OPCML: variants seen among roughly 807,000 people sequenced by gnomAD.
OPCML encodes opioid-binding protein/cell adhesion molecule.
In OPCML, 13 loss-of-function variants were observed where a neutral mutation model predicts 37.8. The ratio of observed to expected loss-of-function variants is 0.34; its 90% confidence interval spans 0.22 to 0.55. The LOEUF (loss-of-function observed/expected upper bound fraction) is 0.55. Ranked by LOEUF, OPCML falls within the 20% of genes least tolerant of loss-of-function variation. The pLI is 0.91. For synonymous variants in OPCML, 176 were observed against 168.8 expected (o/e 1.04, Z -0.33); for missense variants, 341 against 435.6 (o/e 0.78, Z 1.93).
chr11:132,592,413 G>A (rs986422012), intron 3 of OPCML, among the ~76,000 whole-genome samples: 6 of 152,200 alleles, frequency 3.9e-5, no homozygotes, highest in African/African-American at 1.4e-4. Context: ...AAAAAATGGA[G>A]AAAATGGGGA....
intron 1 of OPCML, among the ~76,000 whole-genome samples, chr11:133,255,768 A>G (rs909228258): frequency 6.6e-6 from 1 of 152,170 alleles, no homozygotes; most frequent in African/African-American, 2.4e-5. Context: ...ACTTTACTAG[A>G]TAAGCAGGCA....
chr11:132,945,716 C>T (rs765873315), intron 1 of OPCML, among the ~76,000 whole-genome samples: 1 of 151,030 alleles, frequency 6.6e-6, no homozygotes, highest in Non-Finnish European at 1.5e-5. Context: ...GCTTAAAACA[C>T]AAACACGTTG....
intron 1 of OPCML, among the ~76,000 whole-genome samples, chr11:133,445,908 G>A (rs1281733877): frequency 6.6e-6 from 1 of 152,000 alleles, no homozygotes; most frequent in African/African-American, 2.4e-5. Flanking sequence ...TGAGAAGGAA[G>A]GGGGGGCTGC....
intron 1 of OPCML, among the ~76,000 whole-genome samples, chr11:133,125,967 T>C (rs916037151): frequency 6.7e-6 from 1 of 149,692 alleles, no homozygotes; most frequent in African/African-American, 2.5e-5. Flanking sequence ...AGTGTATATA[T>C]ATACATGTAT....
chr11:133,324,723 A>G (rs1024145994), intron 1 of OPCML, among the ~76,000 whole-genome samples: 1 of 152,198 alleles, frequency 6.6e-6, no homozygotes, highest in Admixed American at 6.5e-5. Context: ...AATTTGAAAG[A>G]GGCTGAGAAT....
chr11:132,567,570 T>C (rs1281756647), intron 3 of OPCML, among the ~76,000 whole-genome samples: 1 of 152,194 alleles, frequency 6.6e-6, no homozygotes, highest in Admixed American at 6.5e-5. Context: ...GCTCATATCA[T>C]AAAGCTATTA....
At chr11:133,246,374 T>C (rs928338124) in intron 1 of OPCML, among the ~76,000 whole-genome samples, 1 of 152,244 alleles carries the variant, frequency 6.6e-6, no homozygotes, top group Admixed American at 6.5e-5. Flanking sequence ...GACAGGGTTC[T>C]ATGGAAAAGC....
At chr11:133,410,634 TAAAAAAAA>T (rs71038527) in intron 1 of OPCML, among the ~76,000 whole-genome samples, 22 of 46,992 alleles carry the variant, frequency 4.7e-4, no homozygotes, top group East Asian at 8.7e-4. Flanking sequence ...AGAAAAAAAG[TAAAAAAAA>T]AAAAAAAAAA....
At chr11:132,820,852 C>CCT (rs1465343553) in intron 2 of OPCML, among the ~76,000 whole-genome samples, 1 of 152,142 alleles carries the variant, frequency 6.6e-6, no homozygotes, top group Non-Finnish European at 1.5e-5. Flanking sequence ...TTTCCCCGCA[C>CCT]CTCCTCCCCG....
intron 1 of OPCML, among the ~76,000 whole-genome samples, chr11:133,232,931 T>G (rs552445119): frequency 6.6e-6 from 1 of 152,188 alleles, no homozygotes; most frequent in Admixed American, 6.5e-5. Context: ...ATATACTGCC[T>G]TTGTAGTTGG....
At chr11:132,607,355 G>A (rs1305966333) in intron 3 of OPCML, among the ~76,000 whole-genome samples, 1 of 152,176 alleles carries the variant, frequency 6.6e-6, no homozygotes, top group African/African-American at 2.4e-5. Context: ...TAACTGGACT[G>A]TAGGTTCTTT....
chr11:133,309,156 A>G (rs73600499), intron 1 of OPCML, among the ~76,000 whole-genome samples: 7,391 of 152,264 alleles, frequency 0.049, 203 homozygotes, highest in Middle Eastern at 0.071. Context: ...AACAAGATAC[A>G]TTTCTCTCTA....
intron 1 of OPCML, among the ~76,000 whole-genome samples, chr11:133,089,980 G>A (rs993958772): frequency 6.6e-6 from 1 of 152,194 alleles, no homozygotes; most frequent in Admixed American, 6.5e-5. Flanking sequence ...CATAGTGGGA[G>A]ATACACTAAA....
At chr11:133,324,239 T>C (rs565324345) in intron 1 of OPCML, among the ~76,000 whole-genome samples, 2 of 152,352 alleles carry the variant, frequency 1.3e-5, no homozygotes, top group African/African-American at 4.8e-5. Flanking sequence ...GAATATTTTC[T>C]CTTTTCATGG....
chr11:132,563,715 A>T (rs1207755051), intron 3 of OPCML, among the ~76,000 whole-genome samples: 1 of 152,120 alleles, frequency 6.6e-6, no homozygotes, highest in Non-Finnish European at 1.5e-5. Context: ...TATGAATGGG[A>T]TCTGCAGAAG....
intron 3 of OPCML, among the ~76,000 whole-genome samples, chr11:132,553,653 C>A (rs895760387): frequency 6.6e-6 from 1 of 152,150 alleles, no homozygotes; most frequent in African/African-American, 2.4e-5. Context: ...TAACAAAATA[C>A]ATAAATATAT....
At chr11:133,185,101 C>A (rs1352061894) in intron 1 of OPCML, among the ~76,000 whole-genome samples, 1 of 152,106 alleles carries the variant, frequency 6.6e-6, no homozygotes, top group Admixed American at 6.5e-5. Flanking sequence ...CACAGAGAAG[C>A]CAAATATAAG....
rs534196315 is a variant in OPCML at position 132,680,803 on chromosome 11, T to C, written c.147-23484A>G. On this transcript the variant is annotated intron_variant, in intron 2 of 7. Transcript: ENST00000524381. ...AGCTTGAATCACTCTGGCGGTTGCA[T>C]GCTGCCTTCATTAATGAGACTGACA... 1.2e-3 allele frequency among the ~76,000 whole-genome samples: 185 copies of C among 152,304 alleles called. 2 individuals are homozygous for C. Among genetic ancestry groups the C allele is most frequent in the Admixed American group, 3.1e-3 (48 of 15,298 alleles).
chr11:133,191,536 T>TGTGA (rs1213488684), intron 1 of OPCML, among the ~76,000 whole-genome samples: 6 of 151,006 alleles, frequency 4.0e-5, no homozygotes, highest in South Asian at 2.1e-4. Flanking sequence ...TGTGTGTGTG[T>TGTGA]GACGGAGTTT....
Sources: allele counts gnomAD v4.1 joint callset (sites outside exome capture counted in the v4.1 genomes callset), GRCh38; gene constraint gnomAD v4.1.1; transcripts MANE v1.5; gene names NCBI Gene and HGNC (gene_info 2026-07-23, HGNC 2026-07-21).